The following ACTR3C variants were observed in gnomAD, a reference collection of about 807,000 sequenced individuals.
ACTR3C encodes the protein actin-related protein 3C.
A neutral mutation model predicts 26.3 loss-of-function variants in ACTR3C; 18 were observed. The ratio of observed to expected loss-of-function variants is 0.68; its 90% confidence interval spans 0.47 to 1.01. The LOEUF is 1.01. Ranked by LOEUF, ACTR3C falls within the 50% of genes least tolerant of loss-of-function variation. The pLI is 0.00. For missense variants in ACTR3C, 184 were observed against 250.7 expected (o/e 0.73, Z 1.80); for synonymous variants, 55 against 94.5 (o/e 0.58, Z 2.42).
the ACTR3C span, among the ~76,000 whole-genome samples, chr7:149,976,627 T>C: frequency 2.0e-5 from 3 of 146,822 alleles, no homozygotes; most frequent in African/African-American, 7.6e-5. Context: ...ATGACGAATA[T>C]AGAAATCATA....
At chr7:150,023,302 G>GATACATACATAC in the ACTR3C span, among the ~76,000 whole-genome samples, 16 of 42,586 alleles carry the variant, frequency 3.8e-4, no homozygotes, top group African/African-American at 1.3e-3. Flanking sequence ...TAGATAGATA[G>GATACATACATAC]ATAGATAGAT....
the ACTR3C span, among the ~76,000 whole-genome samples, chr7:150,214,352 T>TA: frequency 8.2e-4 from 124 of 151,348 alleles, no homozygotes; most frequent in Admixed American, 4.2e-3. Flanking sequence ...CATGATGAAT[T>TA]AAAAAAAAAT....
At chr7:150,024,296 A>G in the ACTR3C span, among the ~76,000 whole-genome samples, 1 of 152,110 alleles carries the variant, frequency 6.6e-6, no homozygotes, top group Admixed American at 6.5e-5. Flanking sequence ...AGATGGCAGC[A>G]AAACGGGGAG....
the ACTR3C span, among the ~76,000 whole-genome samples, chr7:150,122,440 C>A: frequency 6.6e-6 from 1 of 152,168 alleles, no homozygotes. Flanking sequence ...TATGAACAGA[C>A]ACTTTTCAAA....
the ACTR3C span, among the ~76,000 whole-genome samples, chr7:150,194,239 A>G: frequency 3.4e-5 from 5 of 147,136 alleles, no homozygotes; most frequent in Non-Finnish European, 7.5e-5. Context: ...TTTCTTTTAT[A>G]TTAATATCAT....
At chr7:149,941,986 G>A in the ACTR3C span, among the ~76,000 whole-genome samples, 1 of 152,140 alleles carries the variant, frequency 6.6e-6, no homozygotes, top group Non-Finnish European at 1.5e-5. Flanking sequence ...GAGCAGCTGT[G>A]CAGCCTAAAT....
the ACTR3C span, among the ~76,000 whole-genome samples, chr7:150,115,123 C>T: frequency 6.6e-6 from 1 of 152,298 alleles, no homozygotes; most frequent in East Asian, 1.9e-4. Flanking sequence ...TTATTCTGCT[C>T]AAATTATTCA....
the ACTR3C span, among the ~76,000 whole-genome samples, chr7:149,946,234 C>T: frequency 1.3e-5 from 2 of 152,216 alleles, no homozygotes; most frequent in East Asian, 1.9e-4. Context: ...ACCCAGACAT[C>T]GCAGGTGCTT....
chr7:150,086,659 G>T, the ACTR3C span, among the ~76,000 whole-genome samples: 101 of 147,414 alleles, frequency 6.9e-4, no homozygotes, highest in African/African-American at 2.0e-3. Context: ...AGAGCATGAT[G>T]AGAGAGCCTG....
chr7:150,161,707 G>A, the ACTR3C span, among the ~76,000 whole-genome samples: 19 of 152,216 alleles, frequency 1.2e-4, 1 homozygote, highest in East Asian at 1.9e-3. Flanking sequence ...CTATAAAGAC[G>A]CATGCACATG....
the ACTR3C span, among the ~76,000 whole-genome samples, chr7:150,198,960 G>A: frequency 1.5e-3 from 204 of 131,878 alleles, 4 homozygotes; most frequent in African/African-American, 6.0e-3. Flanking sequence ...CCGGCCAGCC[G>A]CCCCGTCCGG....
intron 7 of ACTR3C, 144 bp from the exon 8 acceptor site, chr7:150,247,713 G>T (rs1832542350): frequency 6.9e-6 from 1 of 145,260 alleles, no homozygotes; most frequent in Non-Finnish European, 1.5e-5. Flanking sequence ...GGCGGGGCCT[G>T]GTGGGGGTGT....
chr7:149,973,718 A>C, the ACTR3C span, among the ~76,000 whole-genome samples: 1 of 150,142 alleles, frequency 6.7e-6, no homozygotes, highest in East Asian at 1.9e-4. Context: ...GTTTCCCTGG[A>C]GACCTCATTT....
the ACTR3C span, among the ~76,000 whole-genome samples, chr7:150,139,810 T>A: frequency 6.6e-6 from 1 of 152,156 alleles, no homozygotes; most frequent in Non-Finnish European, 1.5e-5. Context: ...GATAGCCAAC[T>A]GTGAAACACT....
chr7:150,169,224 A>C, the ACTR3C span, among the ~76,000 whole-genome samples: 1 of 150,066 alleles, frequency 6.7e-6, no homozygotes, highest in South Asian at 2.1e-4. Flanking sequence ...TACCAAAAAT[A>C]CAAAAAAAGT....
At chr7:150,049,548 G>C in the ACTR3C span, among the ~76,000 whole-genome samples, 1 of 152,212 alleles carries the variant, frequency 6.6e-6, no homozygotes, top group East Asian at 1.9e-4. Context: ...AAAATAACAG[G>C]CTCGGCCGCC....
chr7:150,191,454 A>G, the ACTR3C span, among the ~76,000 whole-genome samples: 1 of 152,214 alleles, frequency 6.6e-6, no homozygotes, highest in South Asian at 2.1e-4. Context: ...GATTTAGTCC[A>G]AAGTGTTTCA....
At chr7:150,017,423 T>A in the ACTR3C span, among the ~76,000 whole-genome samples, 1 of 140,222 alleles carries the variant, frequency 7.1e-6, no homozygotes, top group Non-Finnish European at 1.5e-5. Flanking sequence ...TCTCCAGGTC[T>A]TATGTTTGCA....
At chr7:150,237,245 C>T in the ACTR3C span, among the ~76,000 whole-genome samples, 1 of 152,344 alleles carries the variant, frequency 6.6e-6, no homozygotes, top group South Asian at 2.1e-4. Context: ...TGGGGCCCTG[C>T]CCATATCCTC....
Sources: allele counts gnomAD v4.1 joint callset (sites outside exome capture counted in the v4.1 genomes callset), GRCh38; gene constraint gnomAD v4.1.1; transcripts MANE v1.5; gene names NCBI Gene and HGNC (gene_info 2026-07-23, HGNC 2026-07-21).